Variants in ROBO2 observed in about 807,000 individuals in gnomAD.
ROBO2 encodes the protein roundabout guidance receptor 2.
Under a neutral mutation model 160.8 loss-of-function variants are expected in ROBO2, and 53 were observed. The ratio of observed to expected loss-of-function variants is 0.33; its 90% confidence interval spans 0.26 to 0.41. The LOEUF (loss-of-function observed/expected upper bound fraction) is 0.41, where lower values mean the gene tolerates loss of function less well. Ranked by LOEUF, ROBO2 falls within the 10% of genes least tolerant of loss-of-function variation. ROBO2 has a pLI of 1.00. For missense variants in ROBO2, 1,577 were observed against 1,722.4 expected, an observed-to-expected ratio of 0.92 and a Z score of 1.49; for synonymous variants, 664 against 611.7, an observed-to-expected ratio of 1.09 and a Z score of -1.26.
chr3:77,613,473 G>A (rs1214687972), intron 21 of ROBO2, among the ~76,000 whole-genome samples: 1 of 152,000 alleles, frequency 6.6e-6, no homozygotes, highest in Non-Finnish European at 1.5e-5. Context: ...GAGTTACAAA[G>A]TAAATTTAAT....
intron 2 of ROBO2, among the ~76,000 whole-genome samples, chr3:76,003,984 A>G (rs534580765): frequency 6.6e-6 from 1 of 152,318 alleles, no homozygotes; most frequent in South Asian, 2.1e-4. Flanking sequence ...GCTTTGGAAA[A>G]CAATAGGGAA....
At chr3:77,199,362 G>T (rs930551552) in intron 2 of ROBO2, among the ~76,000 whole-genome samples, 3 of 152,184 alleles carry the variant, frequency 2.0e-5, no homozygotes, top group African/African-American at 7.2e-5. Context: ...TAGGGATGTT[G>T]CCTGAGCTTG....
chr3:76,799,217 AAAAACAAAAAC>A (rs756174099), intron 2 of ROBO2, among the ~76,000 whole-genome samples: 8 of 135,804 alleles, frequency 5.9e-5, no homozygotes, highest in Non-Finnish European at 8.6e-5. Context: ...CCGTCTCAAA[AAAAACAAAAAC>A]AAAACAAAAA....
chr3:76,578,214 T>C (rs2085434082), intron 2 of ROBO2, among the ~76,000 whole-genome samples: 1 of 152,170 alleles, frequency 6.6e-6, no homozygotes, highest in South Asian at 2.1e-4. Flanking sequence ...GGTGAACACC[T>C]GGGACAATGC....
At chr3:76,991,881 G>T (rs2149373798) in intron 2 of ROBO2, among the ~76,000 whole-genome samples, 1 of 152,218 alleles carries the variant, frequency 6.6e-6, no homozygotes, top group Admixed American at 6.5e-5. Flanking sequence ...CCAGCTTGGA[G>T]GACATATATC....
chr3:76,011,965 C>G (rs552893902), intron 2 of ROBO2, among the ~76,000 whole-genome samples: 1 of 152,180 alleles, frequency 6.6e-6, no homozygotes, highest in East Asian at 1.9e-4. Context: ...CAGTTCTCTT[C>G]TGAGGAAACA....
At chr3:76,549,392 A>G (rs1355547430) in intron 2 of ROBO2, among the ~76,000 whole-genome samples, 1 of 152,142 alleles carries the variant, frequency 6.6e-6, no homozygotes, top group Non-Finnish European at 1.5e-5. Context: ...TTTAGATAAA[A>G]TTATTAGGAA....
At chr3:76,107,265 A>G (rs998229508) in intron 2 of ROBO2, among the ~76,000 whole-genome samples, 1 of 152,120 alleles carries the variant, frequency 6.6e-6, no homozygotes, top group Non-Finnish European at 1.5e-5. Context: ...AAGGTCGCAT[A>G]GTAAAGTGAA....
intron 2 of ROBO2, among the ~76,000 whole-genome samples, chr3:75,961,325 A>T (rs897196518): frequency 6.6e-6 from 1 of 151,644 alleles, no homozygotes; most frequent in Non-Finnish European, 1.5e-5. Flanking sequence ...TAACCTTAAG[A>T]ATATTTCATG....
rs552295952 is a variant in ROBO2, at chr3:77,193,448, GT to G, written c.388+95122del. Among the ~76,000 whole-genome samples, 688 of 121,538 alleles carry G rather than the reference GT, an allele frequency of 5.7e-3. 3 individuals are homozygous for G. The highest frequency in any genetic ancestry group is 0.016 in the African/African-American group (576 of 36,660). The allele number at this position is 121,538 out of a possible 152,430, so 79.7% of individuals were successfully genotyped here. ...ATAGTACACCACCATGCCCAGCTAA[GT>G]TTTTTTTTTTTTTAAAGACAGGGTC... On this transcript the variant is annotated intron_variant, in intron 2 of 25. Transcript: ENST00000461745.
At chr3:76,952,003 G>A (rs908020608) in intron 2 of ROBO2, among the ~76,000 whole-genome samples, 4 of 152,128 alleles carry the variant, frequency 2.6e-5, no homozygotes, top group Non-Finnish European at 4.4e-5. Context: ...CACACAGTCC[G>A]TGACTACATA....
intron 2 of ROBO2, among the ~76,000 whole-genome samples, chr3:76,939,979 A>ATTTTTTTTTTT (rs71104641): frequency 4.4e-4 from 53 of 120,532 alleles, no homozygotes; most frequent in African/African-American, 1.7e-3. Flanking sequence ...AAGCAACAGG[A>ATTTTTTTTTTT]TTTTTTTTTT....
At chr3:76,105,561 G>T (rs886327758) in intron 2 of ROBO2, among the ~76,000 whole-genome samples, 1 of 152,062 alleles carries the variant, frequency 6.6e-6, no homozygotes, top group Non-Finnish European at 1.5e-5. Flanking sequence ...CTTGAATTCA[G>T]AACCAATGGA....
At chr3:76,992,325 CTATATA>C (rs10530833) in intron 2 of ROBO2, among the ~76,000 whole-genome samples, 9,203 of 45,132 alleles carry the variant, frequency 0.2, 510 homozygotes, top group Non-Finnish European at 0.24. Flanking sequence ...CCATGTATTA[CTATATA>C]TATATATATA....
intron 2 of ROBO2, among the ~76,000 whole-genome samples, chr3:76,616,089 AACACTT>A (rs1263999971): frequency 2.0e-5 from 3 of 152,196 alleles, no homozygotes; most frequent in African/African-American, 7.2e-5. Flanking sequence ...CTGCCACACA[AACACTT>A]AATGTTACAT....
At chr3:77,104,559 A>G (rs540346269) in intron 2 of ROBO2, among the ~76,000 whole-genome samples, 1 of 152,286 alleles carries the variant, frequency 6.6e-6, no homozygotes, top group South Asian at 2.1e-4. Flanking sequence ...GTGTGCACAT[A>G]TGGTTTCATT....
At chr3:77,158,805 A>G (rs979253672) in intron 2 of ROBO2, among the ~76,000 whole-genome samples, 1 of 152,080 alleles carries the variant, frequency 6.6e-6, no homozygotes, top group Non-Finnish European at 1.5e-5. Flanking sequence ...ATGAACTGCC[A>G]CTGTTTGATG....
chr3:76,238,378 C>T (rs1396122454), intron 2 of ROBO2, among the ~76,000 whole-genome samples: 1 of 152,090 alleles, frequency 6.6e-6, no homozygotes, highest in Non-Finnish European at 1.5e-5. Flanking sequence ...GTGGGAAGAG[C>T]CACTTATACA....
chr3:77,132,676 C>G (rs1160056755), intron 2 of ROBO2, among the ~76,000 whole-genome samples: 1 of 151,260 alleles, frequency 6.6e-6, no homozygotes. Context: ...TAAAGAGTCA[C>G]TACATCTCTT....
Sources: gnomAD v4.1 joint callset for allele counts (sites outside exome capture counted in the v4.1 genomes callset) on GRCh38, gnomAD v4.1.1 for gene constraint, MANE v1.5 for transcripts, NCBI Gene and HGNC (gene_info 2026-07-23, HGNC 2026-07-21) for gene names.